The following RBFOX1 variants were observed in gnomAD, a reference collection of about 807,000 sequenced individuals.
RBFOX1 encodes the protein RNA binding protein fox-1 homolog 1.
A neutral mutation model predicts 57.7 loss-of-function variants in RBFOX1; 8 were observed. That is an observed-to-expected ratio of 0.14 (90% CI 0.08 to 0.25). RBFOX1 has a LOEUF of 0.25. Ranked by LOEUF, RBFOX1 falls within the 10% of genes least tolerant of loss-of-function variation. RBFOX1 has a pLI of 1.00. For synonymous variants in RBFOX1, 326 were observed against 222.4 expected (o/e 1.47, Z -4.15); for missense variants, 611 against 548.5 (o/e 1.11, Z -1.14).
intron 4 of RBFOX1, among the ~76,000 whole-genome samples, chr16:7,155,219 A>C (rs1259384168): frequency 6.6e-6 from 1 of 152,120 alleles, no homozygotes; most frequent in Non-Finnish European, 1.5e-5. Context: ...AGCTTTTTAA[A>C]AAAATTAATT....
At chr16:6,744,642 T>C (rs1268597632) in intron 3 of RBFOX1, among the ~76,000 whole-genome samples, 1 of 152,022 alleles carries the variant, frequency 6.6e-6, no homozygotes, top group Non-Finnish European at 1.5e-5. Flanking sequence ...AACAGTGACC[T>C]GAACAAAAAT....
intron 2 of RBFOX1, among the ~76,000 whole-genome samples, chr16:5,467,768 G>GA (rs2151612008): frequency 6.6e-6 from 1 of 152,290 alleles, no homozygotes; most frequent in East Asian, 1.9e-4. Context: ...AATTTCTAAT[G>GA]AAGCCACATG....
At chr16:7,036,037 A>C (rs114808719) in intron 3 of RBFOX1, among the ~76,000 whole-genome samples, 1 of 152,290 alleles carries the variant, frequency 6.6e-6, no homozygotes, top group Non-Finnish European at 1.5e-5. Context: ...CATTTTGTAA[A>C]GTCATAGAAA....
chr16:5,889,335 T>C (rs902399837), intron 4 of RBFOX1, among the ~76,000 whole-genome samples: 1 of 152,174 alleles, frequency 6.6e-6, no homozygotes, highest in African/African-American at 2.4e-5. Flanking sequence ...GCTTTTCTTT[T>C]CTTGTGTTAG....
At chr16:6,418,559 A>G (rs919104445) in intron 2 of RBFOX1, among the ~76,000 whole-genome samples, 14 of 129,214 alleles carry the variant, frequency 1.1e-4, no homozygotes, top group African/African-American at 3.8e-4. Context: ...AGTCTGGCTC[A>G]GTCACCCAGG....
chr16:6,585,925 T>C (rs2097606492), intron 2 of RBFOX1, among the ~76,000 whole-genome samples: 1 of 152,230 alleles, frequency 6.6e-6, no homozygotes, highest in African/African-American at 2.4e-5. Flanking sequence ...CAATTATTTC[T>C]GTATTAATTA....
At chr16:5,471,517 A>C (rs959308804) in intron 2 of RBFOX1, among the ~76,000 whole-genome samples, 23 of 152,080 alleles carry the variant, frequency 1.5e-4, no homozygotes, top group African/African-American at 5.6e-4. Flanking sequence ...GACCCTTCCC[A>C]GGTGGGAAGG....
At chr16:6,235,233 A>G (rs537694817) in intron 1 of RBFOX1, among the ~76,000 whole-genome samples, 4 of 151,954 alleles carry the variant, frequency 2.6e-5, no homozygotes, top group Admixed American at 2.6e-4. Flanking sequence ...CCCTTCTTCC[A>G]TGTGGTCATT....
chr16:6,759,492 TGTGTGTGTGTG>T (rs2076294187), intron 3 of RBFOX1, among the ~76,000 whole-genome samples: 1 of 147,338 alleles, frequency 6.8e-6, no homozygotes, highest in Non-Finnish European at 1.5e-5. Context: ...TGTGTGTGTG[TGTGTGTGTGTG>T]TGTGTGTGTG....
At chr16:6,838,494 A>G (rs1004916184) in intron 3 of RBFOX1, among the ~76,000 whole-genome samples, 2 of 152,124 alleles carry the variant, frequency 1.3e-5, no homozygotes, top group African/African-American at 4.8e-5. Context: ...CTTAATTTGC[A>G]TGCAATTAAA....
chr16:6,032,867 C>G (rs1046173988), intron 1 of RBFOX1, among the ~76,000 whole-genome samples: 2 of 145,498 alleles, frequency 1.4e-5, no homozygotes, highest in African/African-American at 5.0e-5. Flanking sequence ...TTTCAAAATG[C>G]AAAACCTAGT....
chr16:6,258,674 A>G (rs994314299), intron 1 of RBFOX1, among the ~76,000 whole-genome samples: 2 of 152,204 alleles, frequency 1.3e-5, no homozygotes, highest in African/African-American at 4.8e-5. Flanking sequence ...ACTAAGCAGG[A>G]TAATTGTTTA....
intron 1 of RBFOX1, among the ~76,000 whole-genome samples, chr16:6,154,661 G>C (rs972732187): frequency 2.0e-5 from 3 of 152,186 alleles, no homozygotes; most frequent in African/African-American, 7.2e-5. Flanking sequence ...GGGAAACTAA[G>C]GGAATGAATA....
At chr16:6,756,362 A>G (rs778915770) in intron 3 of RBFOX1, among the ~76,000 whole-genome samples, 13 of 152,190 alleles carry the variant, frequency 8.5e-5, no homozygotes, top group Non-Finnish European at 1.6e-4. Flanking sequence ...CTATAAAACT[A>G]CTAGAAGTAA....
intron 3 of RBFOX1, among the ~76,000 whole-genome samples, chr16:6,711,729 G>C (rs147035913): frequency 9.7e-4 from 148 of 152,162 alleles, no homozygotes; most frequent in Non-Finnish European, 1.9e-3. Context: ...AGAATGGACC[G>C]ATACACTCCT....
At chr16:6,857,171 C>G (rs982759264) in intron 3 of RBFOX1, among the ~76,000 whole-genome samples, 2 of 152,146 alleles carry the variant, frequency 1.3e-5, no homozygotes, top group Admixed American at 6.5e-5. Context: ...TTTAAAAAGA[C>G]TTTCAGGTTC....
chr16:5,681,072 A>G (rs184866455), intron 3 of RBFOX1, among the ~76,000 whole-genome samples: 4,402 of 149,666 alleles, frequency 0.029, 225 homozygotes, highest in African/African-American at 0.1. Context: ...CCCATGAGGT[A>G]ATATATATAT....
chr16:6,945,017 C>A (rs564578454), intron 3 of RBFOX1, among the ~76,000 whole-genome samples: 1 of 152,212 alleles, frequency 6.6e-6, no homozygotes, highest in South Asian at 2.1e-4. Flanking sequence ...AGCAGCTCTT[C>A]TTCTTATCTT....
At chr16:6,375,640 G>A (rs896591858) in intron 2 of RBFOX1, among the ~76,000 whole-genome samples, 1 of 152,082 alleles carries the variant, frequency 6.6e-6, no homozygotes, top group Non-Finnish European at 1.5e-5. Flanking sequence ...CCCCTTGGAA[G>A]CCTGCCAGCC....
Sources: gnomAD v4.1 joint callset for allele counts (sites outside exome capture counted in the v4.1 genomes callset) on GRCh38, gnomAD v4.1.1 for gene constraint, MANE v1.5 for transcripts, NCBI Gene and HGNC (gene_info 2026-07-23, HGNC 2026-07-21) for gene names.